The following MROH2A variants were observed in gnomAD, a reference collection of about 807,000 sequenced individuals.
The protein encoded by MROH2A is maestro heat like repeat family member 2A, also known as maestro heat-like repeat-containing protein family member 2A.
MROH2A carries 174 observed loss-of-function variants against 200.4 expected under a neutral mutation model. The observed-to-expected ratio is 0.87, with a 90% CI of 0.77 to 0.98. The LOEUF is 0.98. Ranked by LOEUF, MROH2A falls within the 50% of genes least tolerant of loss-of-function variation. The pLI, the probability that MROH2A is intolerant of heterozygous loss-of-function variation, is 0.00. For missense variants in MROH2A, 2,045 were observed against 2,139.6 expected (o/e 0.96, Z 0.87); for synonymous variants, 829 against 840.4 (o/e 0.99, Z 0.23).
chr2:233,831,194 C>T (rs567234083), intron 38 of MROH2A, among the ~76,000 whole-genome samples: 1 of 152,370 alleles, frequency 6.6e-6, no homozygotes, highest in South Asian at 2.1e-4. Flanking sequence ...GGGGCTGCAT[C>T]TGCCCCCAAG....
chr2:233,805,151 A>G (rs1289014213), intron 19 of MROH2A, 40 bp downstream of exon 19: 4 of 1,391,684 alleles, frequency 2.9e-6, no homozygotes, highest in Non-Finnish European at 4.0e-6. Flanking sequence ...GACAAGGAGT[A>G]GACTCCAGGG....
rs1042142968 is a variant in MROH2A at position 233,828,363 on chromosome 2, T to C, written c.4114-267T>C. Among the ~76,000 whole-genome samples the C allele has an allele frequency of 1.3e-5, 2 of 152,188 alleles. No homozygotes were observed. The highest frequency in any genetic ancestry group is 2.9e-5 in the Non-Finnish European group (2 of 68,030). ...CTTGCATTTGGCAGTGGCTGTTATGTTACCTGAAAAAATAAATGACGAATT... is the reference window on the plus strand; with the variant it reads ...CTTGCATTTGGCAGTGGCTGTTATGCTACCTGAAAAAATAAATGACGAATT... On this transcript the variant is annotated intron_variant, in intron 35 of 41. Coordinates refer to ENST00000389758, the MANE Select transcript of MROH2A (RefSeq NM_001394639.1). The surrounding 1 kb of genome is among the most constrained non-coding windows in gnomAD (Gnocchi z 4.6).
intron 31 of MROH2A, among the ~76,000 whole-genome samples, chr2:233,821,360 C>A (rs1043911171): frequency 2.0e-5 from 3 of 150,640 alleles, no homozygotes; most frequent in Non-Finnish European, 4.4e-5. Context: ...GTGCACTCTG[C>A]CCCCTCTCCA....
In MROH2A at chr2:233,816,818, A is replaced by G; in HGVS notation, c.2894A>G (p.Glu965Gly). 6.5e-7 allele frequency: 1 copy of G among 1,550,324 alleles called. No homozygotes were observed. The highest frequency in any genetic ancestry group is 1.2e-5 in the South Asian group (1 of 84,038). ...TGGATCTTGTCGGAGAAAGAATGGG[A>G]GCGGGAAAAGGCCGTGAGCCTCCAT... Reference protein sequence around the residue: ...EKWILSEKEWEREKAVSLHLY... With the variant: ...EKWILSEKEWGREKAVSLHLY... The change falls in exon 27 of 42, where the codon GAG (glutamate) becomes GGG (glycine). Residue 965 changes from glutamate (E) to glycine (G), a missense_variant. Glu to Gly is a moderately conservative substitution (Grantham distance 98). Around this residue, in one of 3 missense-constraint regions of MROH2A, gnomAD observed 1,201 missense variants for 1,311.3 expected, o/e 0.92. Coordinates refer to ENST00000389758, the MANE Select transcript of MROH2A (RefSeq NM_001394639.1).
At chr2:233,829,163 G>A (rs1160993390) in intron 37 of MROH2A, 91 bp downstream of exon 37, 13 of 1,250,274 alleles carry the variant, frequency 1.0e-5, no homozygotes, top group Non-Finnish European at 1.4e-5. Flanking sequence ...GAGCAGAAAA[G>A]AGCCGAGGCT....
chr2:233,819,784 T>C, intron 30 of MROH2A, 118 bp from the exon 31 acceptor site: 1 of 1,195,164 alleles, frequency 8.4e-7, no homozygotes, highest in African/African-American at 1.5e-5. Context: ...TGCTGGGCGC[T>C]TAACCTCCCC....
upstream of MROH2A, among the ~76,000 whole-genome samples, chr2:233,777,087 C>G (rs17862884): frequency 6.6e-6 from 1 of 152,152 alleles, no homozygotes; most frequent in Non-Finnish European, 1.5e-5. Flanking sequence ...CACAGATCCA[C>G]AGACCCACGC....
chr2:233,812,475 A>G (rs967029457), intron 24 of MROH2A, among the ~76,000 whole-genome samples: 1 of 152,236 alleles, frequency 6.6e-6, no homozygotes, highest in Non-Finnish European at 1.5e-5. Context: ...ATCTCTAAGA[A>G]TACCTCCCCT....
At position 233,793,750 on chromosome 2, in the gene MROH2A, G is replaced by A; in HGVS notation, c.748G>A (p.Glu250Lys). Residue 250 changes from glutamate (E) to lysine (K), a missense_variant, in exon 7 of 42, where the codon GAG (glutamate) becomes AAG (lysine). Around this residue, in one of 3 missense-constraint regions of MROH2A, gnomAD observed 831 missense variants for 800.0 expected, o/e 1.04. Coordinates refer to ENST00000389758, the MANE Select transcript of MROH2A (RefSeq NM_001394639.1). Reference sequence around the variant, plus strand: ...GAGCGTGTACCCCGTGATGACTGAGGAGGAGTTTGCCCTGAAGGTGTTCCC... The same window carrying A: ...GAGCGTGTACCCCGTGATGACTGAGAAGGAGTTTGCCCTGAAGGTGTTCCC... ...EESVYPVMTE[E>K]EFALKVFPMY... 1.3e-6 allele frequency: 2 copies of A among 1,499,928 alleles called. No homozygotes were observed. The highest frequency in any genetic ancestry group is 1.8e-6 in the Non-Finnish European group (2 of 1,122,058). 92.9% of individuals were successfully genotyped at this position (1,499,928 alleles called of 1,614,324 possible). A position where few individuals can be genotyped will look rare whatever the true frequency, so the allele number is the denominator to read the frequency against.
chr2:233,812,214 T>A (rs950578423), intron 24 of MROH2A, among the ~76,000 whole-genome samples: 1 of 152,222 alleles, frequency 6.6e-6, no homozygotes, highest in African/African-American at 2.4e-5. Flanking sequence ...GGTGGGCTGC[T>A]CTTCCATTGA....
chr2:233,803,514 C>G (rs751804104), intron 16 of MROH2A, 26 bp downstream of exon 16: 53 of 1,549,698 alleles, frequency 3.4e-5, no homozygotes, highest in Admixed American at 7.8e-5. Flanking sequence ...GCACCATGCC[C>G]TGGCCTGGCA....
chr2:233,831,448 G>T lies in MROH2A; in HGVS notation c.4642G>T (p.Gly1548Cys), dbSNP rs1392985126. The T allele has an allele frequency of 6.4e-7, 1 of 1,550,532 alleles. No individual in the cohort carries two copies. Residue 1548 changes from glycine (G) to cysteine (C), a missense_variant, in exon 39 of 42, where the codon GGC becomes TGC. Physicochemically the swap from Gly to Cys is radical, Grantham distance 159 (BLOSUM62 -3). Coordinates refer to ENST00000389758, the MANE Select transcript of MROH2A (RefSeq NM_001394639.1). ...ATMFQCVHFWGWKSLEHPSGP... is the reference protein window; with the variant it reads ...ATMFQCVHFWCWKSLEHPSGP... ...CATGTTTCAGTGTGTGCACTTCTGG[G>T]GCTGGAAGTCCCTGGAGCATCCCTC...
chr2:233,793,506 G>T (rs1701911760), intron 6 of MROH2A, among the ~76,000 whole-genome samples, 167 bp from the exon 7 acceptor site: 1 of 152,158 alleles, frequency 6.6e-6, no homozygotes, highest in South Asian at 2.1e-4. Flanking sequence ...ACACACACAG[G>T]CACGCAGAGT....
intron 3 of MROH2A, among the ~76,000 whole-genome samples, chr2:233,788,186 A>G (rs942929712): frequency 8.1e-6 from 1 of 123,876 alleles, no homozygotes; most frequent in African/African-American, 3.1e-5. Flanking sequence ...TTATATATAT[A>G]CACACACATA....
At chr2:233,800,637 GT>G (rs1702413191) in intron 14 of MROH2A, among the ~76,000 whole-genome samples, 1 of 151,220 alleles carries the variant, frequency 6.6e-6, no homozygotes, top group African/African-American at 2.4e-5. Flanking sequence ...GTGTATGTGT[GT>G]GTGTGTGTGT....
At position 233,822,890 on chromosome 2, in the gene MROH2A, C is replaced by T; in HGVS notation, c.3876C>T (p.Ile1292=). ...PEEMNLQRVT[I]KSMQLLFKRV... ...TCCCACCTCCCTTCAGGGTCACTAT[C>T]AAGTCCATGCAGCTCTTGTTCAAGA... Residue 1292 remains isoleucine, a synonymous_variant, in exon 34 of 42, where the codon ATC becomes ATT. Transcript: ENST00000389758. 6.4e-7 allele frequency: 1 copy of T among 1,550,542 alleles called. No homozygotes were observed.
intron 29 of MROH2A, 43 bp from the exon 30 acceptor site, chr2:233,819,274 G>A (rs1703768804): frequency 1.3e-6 from 2 of 1,532,804 alleles, no homozygotes; most frequent in Non-Finnish European, 1.8e-6. Flanking sequence ...AGCAGTCATG[G>A]AGTGGCAGGG....
chr2:233,814,644 G>C lies in MROH2A; in HGVS notation c.2823G>C (p.Gln941His). 1.3e-6 allele frequency: 2 copies of C among 1,550,506 alleles called. No homozygotes were observed. Among genetic ancestry groups the C allele is most frequent in the Non-Finnish European group, 1.7e-6 (2 of 1,146,936 alleles). ...EQLMESLLQR[Q>H]LDPKGLQEMV... ...TGATGGAGAGCCTCCTGCAGAGGCA[G>C]CTGGACCCCAAGGGGCTGCAGGAGA... Residue 941 changes from glutamine (Q) to histidine (H), a missense_variant, in exon 26 of 42, where the codon CAG (glutamine) becomes CAC (histidine). Gln to His is a conservative substitution (Grantham distance 24, BLOSUM62 0). This residue lies in a region of MROH2A where 1,201 missense variants were observed against 1,311.3 expected (regional missense o/e 0.92). Coordinates refer to ENST00000389758, the MANE Select transcript of MROH2A (RefSeq NM_001394639.1).
intron 3 of MROH2A, among the ~76,000 whole-genome samples, chr2:233,788,063 T>TTATATATATACATATATATTATATATACA (rs1701455864): frequency 6.8e-5 from 3 of 44,426 alleles, no homozygotes; most frequent in Non-Finnish European, 1.2e-4. Flanking sequence ...TATACATATA[T>TTATATATATACATATATATTATATATACA]TATATATATA....
Sources: gnomAD v4.1 joint callset for allele counts (sites outside exome capture counted in the v4.1 genomes callset) on GRCh38, gnomAD v4.1.1 for gene constraint, gnomAD v4.1.1 regional missense constraint, Gnocchi (gnomAD v3.1) non-coding constraint, MANE v1.5 for transcripts, NCBI Gene and HGNC (gene_info 2026-07-23, HGNC 2026-07-21) for gene names.